FBXL4: variants seen among roughly 807,000 people sequenced by gnomAD.
The protein encoded by FBXL4 is F-box and leucine rich repeat protein 4.
Under a neutral mutation model 58.9 loss-of-function variants are expected in FBXL4, and 40 were observed. The ratio of observed to expected loss-of-function variants is 0.68; its 90% CI spans 0.53 to 0.88. The LOEUF is 0.88. FBXL4 is among the 40% of genes least tolerant of loss of function. The probability of loss-of-function intolerance (pLI) is 0.00; values close to 1 mark genes in which losing one functional copy is unlikely to be tolerated. For missense variants in FBXL4, 676 were observed against 734.4 expected (o/e 0.92, Z 0.92); for synonymous variants, 263 against 265.5 (o/e 0.99, Z 0.09).
chr6:98,937,933 G>A (rs190305682), intron 1 of FBXL4, among the ~76,000 whole-genome samples: 16 of 151,790 alleles, frequency 1.1e-4, no homozygotes, highest in African/African-American at 2.4e-4. Flanking sequence ...AGAAACACTC[G>A]TCTCCACCAA....
intron 7 of FBXL4, chr6:98,898,729 C>A: frequency 2.0e-6 from 2 of 983,178 alleles, no homozygotes; most frequent in Middle Eastern, 5.2e-4. Context: ...GTATAACATA[C>A]ACTATTACAG....
chr6:98,874,134 T>G lies in FBXL4; in HGVS notation c.*144A>C. On this transcript the variant is annotated 3_prime_UTR_variant, in exon 10 of 10. Coordinates refer to ENST00000369244, the MANE Select transcript of FBXL4 (RefSeq NM_001278716.2). ...ACATTTGTGCACATTTTTACTTGAT[T>G]TAATGGACAATTTCATATTTTTCTT... is the stretch of plus-strand genomic sequence containing the variant. 1 of 582,258 alleles carries G rather than the reference T, an allele frequency of 1.7e-6. No individual in the cohort carries two copies. The highest frequency in any genetic ancestry group is 2.8e-6 in the Non-Finnish European group (1 of 359,414). The allele number at this position is 582,258 out of a possible 1,614,324, so 36.1% of individuals were successfully genotyped here. A position where few individuals can be genotyped will look rare whatever the true frequency, so the allele number is the denominator to read the frequency against.
Position 98,917,787 on chromosome 6 carries a change from G to C in FBXL4, c.513-68C>G, listed in dbSNP as rs967309447. ...GATCTACTGGTCCCTTAAGGTTATA[G>C]ACCCATGCCCAATATGTCACAGTGT... On this transcript the variant is annotated intron_variant, in intron 4 of 9. Coordinates refer to ENST00000369244, the MANE Select transcript of FBXL4 (RefSeq NM_001278716.2). 2.0e-5 allele frequency: 22 copies of C among 1,117,728 alleles called. No homozygotes were observed. In the African/African-American group the frequency reaches 3.3e-4, roughly 17 times the overall value. 69.2% of individuals were successfully genotyped at this position (1,117,728 alleles called of 1,614,324 possible).
Position 98,870,092 on chromosome 6 carries a change from C to T in FBXL4, c.*4186G>A, listed in dbSNP as rs1243314264. The T allele has an allele frequency of 1.3e-5, 2 of 152,198 alleles. No homozygotes were observed. Among genetic ancestry groups the T allele is most frequent in the Non-Finnish European group, 2.9e-5 (2 of 68,026 alleles). 9.4% of individuals were successfully genotyped at this position (152,198 alleles called of 1,614,324 possible). A position where few individuals can be genotyped will look rare whatever the true frequency, so the allele number is the denominator to read the frequency against. Reference sequence around the variant, plus strand: ...TACATAAATATCTTTCTTGTCTACACATCTTTCTTGTTATGGTAAACATTT... The same window carrying T: ...TACATAAATATCTTTCTTGTCTACATATCTTTCTTGTTATGGTAAACATTT... On this transcript the variant is annotated 3_prime_UTR_variant, in exon 10 of 10. Transcript: ENST00000369244.
chr6:98,877,805 A>T lies in FBXL4; in HGVS notation c.1390-2078T>A, dbSNP rs1314450638. ...AATTTAGGCAACTTTAAATTACTTC[A>T]ATCAGCATTATATAATAGTGGAATT... On this transcript the variant is annotated intron_variant, in intron 8 of 9. Coordinates refer to ENST00000369244, the MANE Select transcript of FBXL4 (RefSeq NM_001278716.2). 3.9e-5 allele frequency among the ~76,000 whole-genome samples: 6 copies of T among 152,312 alleles called. No individual in the cohort carries two copies. The East Asian group carries it at 1.2e-3, about 29-fold the overall frequency.
In FBXL4 at chr6:98,926,858, G is replaced by T. The variant is rs199983343; in HGVS notation, c.131C>A (p.Thr44Asn). ...THRAIESNSQTSPLNAEVVQY... is the reference protein window; with the variant it reads ...THRAIESNSQNSPLNAEVVQY... ...GACTACCTCTGCATTGAGAGGGGAA[G>T]TCTGGCTGTTTGATTCTATAGCTCT... Residue 44 changes from threonine (T) to asparagine (N), a missense_variant, in exon 4 of 10, where the codon ACT (threonine) becomes AAT (asparagine). Thr to Asn is a moderately conservative substitution (Grantham distance 65, BLOSUM62 0). Transcript: ENST00000369244. The T allele has an allele frequency of 5.9e-5, 96 of 1,614,066 alleles. No homozygotes were observed. Among genetic ancestry groups the T allele is most frequent in the African/African-American group, 1.3e-5 (1 of 74,920 alleles).
In FBXL4 at chr6:98,874,150, T is replaced by A. The variant is rs918645020; in HGVS notation, c.*128A>T. The stretch of plus-strand genomic sequence containing the variant: ...TTACTTGATTTAATGGACAATTTCA[T>A]ATTTTTCTTTAAAATCTACAAATGT... On this transcript the variant is annotated 3_prime_UTR_variant, in exon 10 of 10. Transcript: ENST00000369244. 2.4e-5 allele frequency: 16 copies of A among 660,904 alleles called. No homozygotes were observed. The highest frequency in any genetic ancestry group is 3.5e-5 in the Non-Finnish European group (15 of 425,916). The allele number at this position is 660,904 out of a possible 1,614,324, so 40.9% of individuals were successfully genotyped here. A position where few individuals can be genotyped will look rare whatever the true frequency, so the allele number is the denominator to read the frequency against.
chr6:98,939,121 A>T (rs1773335807), intron 1 of FBXL4, among the ~76,000 whole-genome samples: 1 of 151,062 alleles, frequency 6.6e-6, no homozygotes, highest in East Asian at 1.9e-4. Context: ...AAAGGAAAAG[A>T]CAAGACAGGA....
chr6:98,908,925 T>C (rs1219243606), intron 5 of FBXL4, among the ~76,000 whole-genome samples: 1 of 152,208 alleles, frequency 6.6e-6, no homozygotes, highest in East Asian at 1.9e-4. Context: ...ATTGTTTGAC[T>C]GCAAATGAGA....
chr6:98,873,923 C>CT lies in FBXL4; in HGVS notation c.*354dup, dbSNP rs1002904761. On this transcript the variant is annotated 3_prime_UTR_variant, in exon 10 of 10. Coordinates refer to ENST00000369244, the MANE Select transcript of FBXL4 (RefSeq NM_001278716.2). Reference sequence around the variant, plus strand: ...CTTACATGAAGGTGTAAAAAATTAACTTTTTTTTTTGCATAAATGCCACGA... The same window carrying CT: ...CTTACATGAAGGTGTAAAAAATTAACTTTTTTTTTTTGCATAAATGCCACGA... The CT allele has an allele frequency of 1.3e-3, 210 of 157,586 alleles. No individual in the cohort carries two copies. Among genetic ancestry groups the CT allele is most frequent in the Middle Eastern group, 3.0e-3 (1 of 332 alleles). The allele number at this position is 157,586 out of a possible 1,614,324, so 9.8% of individuals were successfully genotyped here.
intron 7 of FBXL4, among the ~76,000 whole-genome samples, chr6:98,887,584 A>T (rs758481375): frequency 2.0e-5 from 3 of 152,222 alleles, no homozygotes; most frequent in Non-Finnish European, 2.9e-5. Context: ...TTAAACTGGG[A>T]ATTAAAAAAT....
chr6:98,879,495 A>G (rs1030888542), intron 8 of FBXL4, among the ~76,000 whole-genome samples: 2 of 152,224 alleles, frequency 1.3e-5, no homozygotes, highest in Non-Finnish European at 2.9e-5. Flanking sequence ...ATATCTCAGT[A>G]TTATTTAAAA....
intron 2 of FBXL4, among the ~76,000 whole-genome samples, chr6:98,934,324 G>A (rs557516095): frequency 3.9e-5 from 6 of 152,048 alleles, no homozygotes; most frequent in Non-Finnish European, 5.9e-5. Flanking sequence ...GCTTGAACCC[G>A]GGAGGCGGAG....
chr6:98,898,318 A>C, intron 7 of FBXL4: 3 of 985,452 alleles, frequency 3.0e-6, no homozygotes, highest in Non-Finnish European at 3.6e-6. Flanking sequence ...AACAGTATGT[A>C]CTACAGGGGC....
chr6:98,937,912 G>A (rs1773282992), intron 1 of FBXL4, among the ~76,000 whole-genome samples: 1 of 152,010 alleles, frequency 6.6e-6, no homozygotes, highest in Non-Finnish European at 1.5e-5. Context: ...CTCGTCATCT[G>A]GCACTAATTC....
chr6:98,875,382 C>T (rs1318806600), intron 9 of FBXL4, 33 bp downstream of exon 9: 1 of 1,601,526 alleles, frequency 6.2e-7, no homozygotes, highest in Non-Finnish European at 8.6e-7. Flanking sequence ...AGGAAACAGA[C>T]ATTTAAAACA....
intron 7 of FBXL4, among the ~76,000 whole-genome samples, chr6:98,897,692 G>A (rs1186285475): frequency 2.6e-5 from 4 of 152,132 alleles, no homozygotes; most frequent in Non-Finnish European, 5.9e-5. Context: ...TCGGCTTCTG[G>A]TAAGGGCTTT....
chr6:98,934,521 G>C (rs1773134270), intron 2 of FBXL4, among the ~76,000 whole-genome samples: 1 of 152,044 alleles, frequency 6.6e-6, no homozygotes, highest in African/African-American at 2.4e-5. Flanking sequence ...CCAAGCATTA[G>C]AAAAAGCTCT....
At chr6:98,915,659 A>G (rs1046100810) in intron 5 of FBXL4, among the ~76,000 whole-genome samples, 5 of 152,192 alleles carry the variant, frequency 3.3e-5, no homozygotes, top group African/African-American at 1.2e-4. Context: ...CACCTTATTC[A>G]AAAATTAATT....
Sources: allele counts gnomAD v4.1 joint callset (sites outside exome capture counted in the v4.1 genomes callset), GRCh38; gene constraint gnomAD v4.1.1; transcripts MANE v1.5; gene names NCBI Gene and HGNC (gene_info 2026-07-23, HGNC 2026-07-21).